The following CTNNA3 variants were observed in gnomAD, a reference collection of about 807,000 sequenced individuals.
CTNNA3 encodes catenin alpha-3.
A neutral mutation model predicts 95.7 loss-of-function variants in CTNNA3; 76 were observed. The ratio of observed to expected loss-of-function variants is 0.79; its 90% CI spans 0.66 to 0.96. CTNNA3 has a LOEUF of 0.96. CTNNA3 is among the 40% of genes least tolerant of loss of function. CTNNA3 has a pLI of 0.00. For missense variants in CTNNA3, 1,191 were observed against 1,089.8 expected (o/e 1.09, Z -1.31); for synonymous variants, 431 against 374.4 (o/e 1.15, Z -1.74).
At chr10:66,899,476 C>G (rs939403336) in intron 7 of CTNNA3, among the ~76,000 whole-genome samples, 1 of 151,842 alleles carries the variant, frequency 6.6e-6, no homozygotes, top group Non-Finnish European at 1.5e-5. Flanking sequence ...ACTGAGGTAC[C>G]TAGTTCATCT....
chr10:66,752,841 GACAC>G (rs141354953), intron 9 of CTNNA3, among the ~76,000 whole-genome samples: 1 of 151,268 alleles, frequency 6.6e-6, no homozygotes, highest in African/African-American at 2.4e-5. Context: ...TCCTAAGGAA[GACAC>G]ACACACACAC....
At chr10:66,570,320 G>A (rs1842832355) in intron 10 of CTNNA3, among the ~76,000 whole-genome samples, 1 of 148,742 alleles carries the variant, frequency 6.7e-6, no homozygotes. Context: ...ACAGAGTCTC[G>A]CTCTGTCGCC....
chr10:66,955,827 G>A (rs547751588), intron 7 of CTNNA3, among the ~76,000 whole-genome samples: 3 of 152,180 alleles, frequency 2.0e-5, no homozygotes, highest in Admixed American at 2.0e-4. Flanking sequence ...CACAGATGAG[G>A]GATTTCAAAT....
intron 12 of CTNNA3, among the ~76,000 whole-genome samples, chr10:66,359,941 C>T (rs10997079): frequency 0.11 from 15,978 of 151,798 alleles, 1,036 homozygotes; most frequent in East Asian, 0.26. Flanking sequence ...ATTCTCCTGC[C>T]TAAGCCTCCT....
chr10:66,066,194 G>A (rs1426533018), intron 15 of CTNNA3, among the ~76,000 whole-genome samples: 1 of 152,030 alleles, frequency 6.6e-6, no homozygotes, highest in East Asian at 1.9e-4. Flanking sequence ...AACTATTATA[G>A]TTCAGGTTTC....
chr10:66,431,490 C>G (rs1431837492), intron 11 of CTNNA3, among the ~76,000 whole-genome samples: 1 of 151,942 alleles, frequency 6.6e-6, no homozygotes, highest in African/African-American at 2.4e-5. Context: ...AGACTTGGAA[C>G]CAACCCAAAT....
chr10:65,964,924 TATAC>T (rs948918338), intron 17 of CTNNA3, among the ~76,000 whole-genome samples: 1 of 152,200 alleles, frequency 6.6e-6, no homozygotes, highest in African/African-American at 2.4e-5. Flanking sequence ...TAAATGTATA[TATAC>T]ATACATGTAT....
intron 1 of CTNNA3, among the ~76,000 whole-genome samples, chr10:67,695,456 C>G (rs796552681): frequency 3.5e-4 from 53 of 152,220 alleles, no homozygotes; most frequent in African/African-American, 1.2e-3. Context: ...TTGACTATAA[C>G]TGGTCATCAA....
intron 5 of CTNNA3, among the ~76,000 whole-genome samples, chr10:67,230,018 A>T (rs1349010482): frequency 6.6e-6 from 1 of 152,234 alleles, no homozygotes; most frequent in Admixed American, 6.5e-5. Context: ...AGCCAAAGCA[A>T]GACTAAGCAA....
chr10:66,748,058 G>A (rs765304549), intron 9 of CTNNA3, among the ~76,000 whole-genome samples: 6 of 152,066 alleles, frequency 3.9e-5, no homozygotes, highest in Non-Finnish European at 7.4e-5. Flanking sequence ...CCTGCTGTCA[G>A]TCCTTACCAC....
At chr10:67,171,733 T>A (rs193060666) in intron 7 of CTNNA3, among the ~76,000 whole-genome samples, 50 of 151,976 alleles carry the variant, frequency 3.3e-4, no homozygotes, top group African/African-American at 1.1e-3. Context: ...GCAGCCTGGG[T>A]AAGAGAGCAA....
At chr10:66,124,777 C>T (rs1354100687) in intron 13 of CTNNA3, among the ~76,000 whole-genome samples, 1 of 152,116 alleles carries the variant, frequency 6.6e-6, no homozygotes, top group Non-Finnish European at 1.5e-5. Flanking sequence ...TTTTTAAAAC[C>T]ATCAGATCTC....
At chr10:67,411,763 C>T (rs1233874903) in intron 5 of CTNNA3, among the ~76,000 whole-genome samples, 1 of 151,974 alleles carries the variant, frequency 6.6e-6, no homozygotes, top group Non-Finnish European at 1.5e-5. Flanking sequence ...GAGAACTAGG[C>T]CTTCTAATTC....
intron 13 of CTNNA3, among the ~76,000 whole-genome samples, chr10:66,139,968 T>G (rs2133874837): frequency 6.6e-6 from 1 of 152,308 alleles, no homozygotes; most frequent in South Asian, 2.1e-4. Flanking sequence ...GCTTTTGTGG[T>G]TTTGAAGGTG....
At chr10:66,075,699 C>T (rs71493960) in intron 14 of CTNNA3, among the ~76,000 whole-genome samples, 17,104 of 151,630 alleles carry the variant, frequency 0.11, 1,159 homozygotes, top group Non-Finnish European at 0.16. Context: ...TCAGAAGCCC[C>T]AGAATCCACA....
At chr10:66,739,415 G>T (rs1849253203) in intron 9 of CTNNA3, among the ~76,000 whole-genome samples, 1 of 152,138 alleles carries the variant, frequency 6.6e-6, no homozygotes, top group South Asian at 2.1e-4. Flanking sequence ...TTCCAAGGGA[G>T]CTCAATCACA....
intron 5 of CTNNA3, among the ~76,000 whole-genome samples, chr10:67,511,190 T>C (rs909268809): frequency 2.6e-5 from 4 of 152,346 alleles, no homozygotes; most frequent in South Asian, 2.1e-4. Context: ...TACTTCTTTC[T>C]CTTGCCTGAT....
chr10:67,574,410 CCTCT>C (rs1166447780), intron 3 of CTNNA3, among the ~76,000 whole-genome samples: 1 of 151,432 alleles, frequency 6.6e-6, no homozygotes, highest in African/African-American at 2.4e-5. Flanking sequence ...TATTATTATC[CCTCT>C]GTTTTGTATT....
chr10:67,050,729 T>A (rs949950340), intron 7 of CTNNA3, among the ~76,000 whole-genome samples: 1 of 152,208 alleles, frequency 6.6e-6, no homozygotes, highest in African/African-American at 2.4e-5. Flanking sequence ...AAAGCAGAAA[T>A]GACCACTCGC....
Sources: gnomAD v4.1 joint callset for allele counts (sites outside exome capture counted in the v4.1 genomes callset) on GRCh38, gnomAD v4.1.1 for gene constraint, MANE v1.5 for transcripts, NCBI Gene and HGNC (gene_info 2026-07-23, HGNC 2026-07-21) for gene names.